Variants in PITPNC1 observed in about 807,000 individuals in gnomAD.
PITPNC1 encodes cytoplasmic phosphatidylinositol transfer protein 1.
PITPNC1 carries 18 observed loss-of-function variants against 44.7 expected under a neutral mutation model. The observed-to-expected ratio is 0.40, with a 90% CI of 0.28 to 0.60. The LOEUF (loss-of-function observed/expected upper bound fraction) is 0.60, where lower values mean the gene tolerates loss of function less well. Among genes scored for constraint, PITPNC1 ranks in the 20% least tolerant of loss-of-function variants. PITPNC1 has a pLI of 0.39. For synonymous variants in PITPNC1, 141 were observed against 149.6 expected, an observed-to-expected ratio of 0.94 and a Z score of 0.42; for missense variants, 290 against 418.4, an observed-to-expected ratio of 0.69 and a Z score of 2.68.
intron 5 of PITPNC1, among the ~76,000 whole-genome samples, chr17:67,579,330 G>A (rs769712057): frequency 3.9e-4 from 59 of 152,324 alleles, no homozygotes; most frequent in Middle Eastern, 3.4e-3. Flanking sequence ...CTCAGGACCC[G>A]TTGAAAGGAA....
Position 67,669,501 on chromosome 17 carries a change from T to C in PITPNC1, c.463-7T>C. ...TATATCAATTTCTTTGATTTTTTTT[T>C]TTCTAGGATCCTAAGCACTTCAAGT... On this transcript the variant is annotated splice_region_variant and splice_polypyrimidine_tract_variant and intron_variant, in intron 6 of 8. Coordinates refer to ENST00000581322, the MANE Select transcript of PITPNC1 (RefSeq NM_012417.4). 1 of 1,560,894 alleles carries C rather than the reference T, an allele frequency of 6.4e-7. No homozygotes were observed. Among genetic ancestry groups the C allele is most frequent in the South Asian group, 1.2e-5 (1 of 83,242 alleles).
Position 67,694,543 on chromosome 17 carries a change from G to A in PITPNC1, c.*1655G>A, listed in dbSNP as rs1738329657. 1 of 152,142 alleles carries A rather than the reference G, an allele frequency of 6.6e-6. No individual in the cohort carries two copies. The highest frequency in any genetic ancestry group is 1.5e-5 in the Non-Finnish European group (1 of 68,038). 9.4% of individuals were successfully genotyped at this position (152,142 alleles called of 1,614,324 possible). A position where few individuals can be genotyped will look rare whatever the true frequency, so the allele number is the denominator to read the frequency against. On this transcript the variant is annotated 3_prime_UTR_variant, in exon 9 of 9. Coordinates refer to ENST00000581322, the MANE Select transcript of PITPNC1 (RefSeq NM_012417.4). ...CAAGGTGCAGGCGCTGGCCCCATGA[G>A]CCCAGCACCAAAGTTTTCTAAGTCA...
chr17:67,385,039 G>C (rs1231277550), intron 1 of PITPNC1, among the ~76,000 whole-genome samples: 1 of 152,174 alleles, frequency 6.6e-6, no homozygotes. Context: ...AGGGACCAAG[G>C]TCAGGGTCAT....
chr17:67,531,916 T>A (rs1204233235), intron 1 of PITPNC1, among the ~76,000 whole-genome samples: 2 of 152,164 alleles, frequency 1.3e-5, no homozygotes, highest in African/African-American at 4.8e-5. Context: ...CCCTCTCTCT[T>A]TTCCATCAAA....
At chr17:67,409,638 A>C (rs917291592) in intron 1 of PITPNC1, among the ~76,000 whole-genome samples, 1 of 151,692 alleles carries the variant, frequency 6.6e-6, no homozygotes, top group Non-Finnish European at 1.5e-5. Flanking sequence ...TCTTTGGTTC[A>C]AGCGATTCTC....
chr17:67,448,932 A>G (rs1362993042), intron 1 of PITPNC1, among the ~76,000 whole-genome samples: 1 of 152,084 alleles, frequency 6.6e-6, no homozygotes, highest in Non-Finnish European at 1.5e-5. Flanking sequence ...ATGCCTGGCT[A>G]ATTTTTGTAT....
chr17:67,399,827 C>T (rs1186989253), intron 1 of PITPNC1, among the ~76,000 whole-genome samples: 2 of 152,180 alleles, frequency 1.3e-5, no homozygotes, highest in African/African-American at 4.8e-5. Flanking sequence ...CTGTAAGTTG[C>T]CCGGAGTTGG....
intron 1 of PITPNC1, among the ~76,000 whole-genome samples, chr17:67,515,134 C>T (rs1469167282): frequency 6.6e-6 from 1 of 152,124 alleles, no homozygotes; most frequent in Non-Finnish European, 1.5e-5. Context: ...ACCTTCATTC[C>T]GCTGTTGCTA....
chr17:67,494,069 G>T (rs1346852358), intron 1 of PITPNC1, among the ~76,000 whole-genome samples: 1 of 152,104 alleles, frequency 6.6e-6, no homozygotes, highest in Non-Finnish European at 1.5e-5. Context: ...CTTCCAGTGG[G>T]AGCTTATTAT....
intron 6 of PITPNC1, among the ~76,000 whole-genome samples, chr17:67,646,003 T>A (rs935665139): frequency 6.6e-6 from 1 of 152,186 alleles, no homozygotes; most frequent in African/African-American, 2.4e-5. Context: ...CGGGTGCCTG[T>A]AGTCCCAGCT....
intron 5 of PITPNC1, among the ~76,000 whole-genome samples, chr17:67,616,183 C>T (rs2041755674): frequency 6.6e-6 from 1 of 152,102 alleles, no homozygotes; most frequent in East Asian, 1.9e-4. Context: ...TCTTGTCGCC[C>T]AGGCTGGAGT....
chr17:67,484,457 C>G lies in PITPNC1; in HGVS notation c.49-48345C>G, dbSNP rs542882902. ...TCAAATCATTCATCTCTAGCTCAGT[C>G]GCCACATAAGCTTGTATAATTCTCT... On this transcript the variant is annotated intron_variant, in intron 1 of 8. Transcript: ENST00000581322. 7.2e-5 allele frequency among the ~76,000 whole-genome samples: 11 copies of G among 152,312 alleles called. 1 individual carries two copies. In the South Asian group the frequency reaches 2.3e-3, roughly 32 times the overall value.
Position 67,694,698 on chromosome 17 carries a change from A to AATG in PITPNC1, c.*1813_*1815dup, listed in dbSNP as rs1304096345. 5.9e-5 allele frequency: 9 copies of AATG among 152,308 alleles called. No homozygotes were observed. In the East Asian group the frequency reaches 1.5e-3, roughly 26 times the overall value. 9.4% of individuals were successfully genotyped at this position (152,308 alleles called of 1,614,324 possible). Reference sequence around the variant, plus strand: ...ATCAACAGTGTATCTCTTCCCTAAGAATGATAGTATCTTAGTAAGACACCT... The same window carrying AATG: ...ATCAACAGTGTATCTCTTCCCTAAGAATGATGATAGTATCTTAGTAAGACACCT... On this transcript the variant is annotated 3_prime_UTR_variant, in exon 9 of 9. Coordinates refer to ENST00000581322, the MANE Select transcript of PITPNC1 (RefSeq NM_012417.4).
At chr17:67,602,604 G>C (rs2041555713) in intron 5 of PITPNC1, among the ~76,000 whole-genome samples, 1 of 152,158 alleles carries the variant, frequency 6.6e-6, no homozygotes, top group African/African-American at 2.4e-5. Flanking sequence ...TGAAGCCAGG[G>C]GTCAGGTGGT....
At chr17:67,656,059 C>G (rs1040996657) in intron 6 of PITPNC1, among the ~76,000 whole-genome samples, 7 of 152,176 alleles carry the variant, frequency 4.6e-5, no homozygotes, top group Non-Finnish European at 7.4e-5. Flanking sequence ...GCTTCAGGTT[C>G]CTCATCAAGA....
At chr17:67,502,109 C>T (rs1454673448) in intron 1 of PITPNC1, among the ~76,000 whole-genome samples, 5 of 152,120 alleles carry the variant, frequency 3.3e-5, no homozygotes, top group Non-Finnish European at 7.4e-5. Flanking sequence ...GATGTGTCTT[C>T]GTGTTCTGCA....
intron 5 of PITPNC1, among the ~76,000 whole-genome samples, chr17:67,605,464 C>T (rs1159879826): frequency 4.6e-5 from 7 of 152,178 alleles, no homozygotes; most frequent in African/African-American, 9.7e-5. Flanking sequence ...CGAGTCCTCC[C>T]GGGGCTTATC....
intron 1 of PITPNC1, chr17:67,471,637 G>A (rs2039534791): frequency 5.9e-6 from 2 of 340,798 alleles, no homozygotes; most frequent in Non-Finnish European, 1.1e-5. Flanking sequence ...GCTAAATCAG[G>A]TTGACATCAT....
intron 4 of PITPNC1, among the ~76,000 whole-genome samples, chr17:67,567,919 C>T (rs537130809): frequency 2.0e-5 from 3 of 151,854 alleles, no homozygotes; most frequent in Admixed American, 6.6e-5. Context: ...TTGCAATGAG[C>T]CAAGATCACA....
Sources: allele counts gnomAD v4.1 joint callset (sites outside exome capture counted in the v4.1 genomes callset), GRCh38; gene constraint gnomAD v4.1.1; transcripts MANE v1.5; gene names NCBI Gene and HGNC (gene_info 2026-07-23, HGNC 2026-07-21).